Variants in NBPF11 observed in about 807,000 individuals in gnomAD.
The protein encoded by NBPF11 is NBPF member 11, also known as NBPF family member NBPF11.
NBPF11 carries 72 observed loss-of-function variants against 93.9 expected under a neutral mutation model. The observed-to-expected ratio is 0.77, with a 90% CI of 0.63 to 0.93. The LOEUF (loss-of-function observed/expected upper bound fraction) is 0.93. Ranked by LOEUF, NBPF11 falls within the 40% of genes least tolerant of loss-of-function variation. The pLI, the probability that NBPF11 is intolerant of heterozygous loss-of-function variation, is 0.00. For synonymous variants in NBPF11, 224 were observed against 304.9 expected, an observed-to-expected ratio of 0.73 and a Z score of 2.76; for missense variants, 705 against 802.2, an observed-to-expected ratio of 0.88 and a Z score of 1.46.
intron 10 of NBPF11, among the ~76,000 whole-genome samples, chr1:148,119,412 T>A (rs1487654382): frequency 1.3e-5 from 2 of 151,944 alleles, no homozygotes; most frequent in Non-Finnish European, 2.9e-5. Flanking sequence ...ACTGCAGCAA[T>A]TTACAGAGGT....
chr1:148,117,129 G>A (rs1666755841), intron 12 of NBPF11, among the ~76,000 whole-genome samples: 2 of 151,906 alleles, frequency 1.3e-5, no homozygotes. Flanking sequence ...ACATTTGAAT[G>A]CTTCAGACCT....
rs1297423533 is a variant in NBPF11 at position 148,139,057 on chromosome 1, T to C, written c.-276-1248A>G. ...AGTGAGCTGAGATGGCGCCGTTGCATTCGAGCCCAAGGAAAAGAGAAATAA... is the reference window on the plus strand; with the variant it reads ...AGTGAGCTGAGATGGCGCCGTTGCACTCGAGCCCAAGGAAAAGAGAAATAA... On this transcript the variant is annotated intron_variant, in intron 2 of 23. Transcript: ENST00000682118. 3.1e-4 allele frequency among the ~76,000 whole-genome samples: 47 copies of C among 151,474 alleles called. No homozygotes were observed. The East Asian group carries it at 5.6e-3, about 18-fold the overall frequency.
intron 5 of NBPF11, among the ~76,000 whole-genome samples, chr1:148,125,324 C>T (rs1475855640): frequency 4.6e-5 from 7 of 151,982 alleles, no homozygotes; most frequent in Non-Finnish European, 1.0e-4. Context: ...GCCTTGCAGC[C>T]TCTCCTCTAA....
intron 1 of NBPF11, among the ~76,000 whole-genome samples, chr1:148,150,511 G>GAAA (rs563519266): frequency 6.9e-6 from 1 of 145,356 alleles, no homozygotes; most frequent in African/African-American, 2.5e-5. Context: ...TTTTAGAATA[G>GAAA]AAAAAAAAAA....
At chr1:148,115,196 A>AAAAAAAAAAAAAAAAC in intron 14 of NBPF11, among the ~76,000 whole-genome samples, 1 of 143,232 alleles carries the variant, frequency 7.0e-6, no homozygotes, top group Non-Finnish European at 1.5e-5. Flanking sequence ...AAAAAAAAAA[A>AAAAAAAAAAAAAAAAC]AAAAAAATCT....
intron 10 of NBPF11, among the ~76,000 whole-genome samples, chr1:148,119,408 G>A (rs1667303525): frequency 6.6e-6 from 1 of 152,014 alleles, no homozygotes; most frequent in Admixed American, 6.5e-5. Flanking sequence ...ATTCACTGCA[G>A]CAATTTACAG....
In NBPF11 at chr1:148,122,860, A is replaced by C. The variant is rs1275727892; in HGVS notation, c.494-59T>G. ...CACTTCACATTCTGCAAGCACAGTC[A>C]GCCCAACGTGCACAGAGACATGAAT... On this transcript the variant is annotated intron_variant, in intron 7 of 23. Transcript: ENST00000682118. 19 of 1,607,494 alleles carry C rather than the reference A, an allele frequency of 1.2e-5. No homozygotes were observed. The Admixed American group carries it at 3.0e-4, about 25-fold the overall frequency.
intron 2 of NBPF11, among the ~76,000 whole-genome samples, chr1:148,141,566 C>A (rs1370777981): frequency 1.3e-5 from 2 of 151,980 alleles, no homozygotes; most frequent in Non-Finnish European, 2.9e-5. Flanking sequence ...TTGAAGTGCA[C>A]CAACCTGGAG....
intron 1 of NBPF11, among the ~76,000 whole-genome samples, chr1:148,150,051 G>A (rs1647895226): frequency 6.6e-6 from 1 of 151,484 alleles, no homozygotes; most frequent in African/African-American, 2.4e-5. Context: ...CATTCATATA[G>A]CTCTAAAACC....
At chr1:148,149,775 A>G (rs1327980619) in intron 1 of NBPF11, among the ~76,000 whole-genome samples, 5 of 148,740 alleles carry the variant, frequency 3.4e-5, no homozygotes, top group East Asian at 2.1e-4. Flanking sequence ...AACGGAAATT[A>G]AAGATTTAAA....
intron 4 of NBPF11, among the ~76,000 whole-genome samples, chr1:148,131,343 C>T (rs1670304998): frequency 6.6e-6 from 1 of 151,558 alleles, no homozygotes; most frequent in East Asian, 1.9e-4. Flanking sequence ...ACTCCCCAGG[C>T]CTCCACAGAC....
At position 148,102,216 on chromosome 1, in the gene NBPF11, A is replaced by T. The variant is rs1372695162; in HGVS notation, c.*1680T>A. The T allele has an allele frequency of 6.6e-6, 1 of 151,908 alleles. No individual in the cohort carries two copies. The highest frequency in any genetic ancestry group is 2.4e-5 in the African/African-American group (1 of 41,144). 9.4% of individuals were successfully genotyped at this position (151,908 alleles called of 1,614,324 possible). A position where few individuals can be genotyped will look rare whatever the true frequency, so the allele number is the denominator to read the frequency against. On this transcript the variant is annotated 3_prime_UTR_variant, in exon 24 of 24. Coordinates refer to ENST00000682118, the MANE Select transcript of NBPF11 (RefSeq NM_001385469.3). ...TTTGGACAAAAATTAAAACTCAGGCAAAGAATGTTTTCTTCTTTTTGCAAC... is the reference window on the plus strand; with the variant it reads ...TTTGGACAAAAATTAAAACTCAGGCTAAGAATGTTTTCTTCTTTTTGCAAC...
chr1:148,104,023 A>G, intron 23 of NBPF11, 111 bp from the exon 24 acceptor site: 2 of 1,602,906 alleles, frequency 1.2e-6, no homozygotes, highest in Non-Finnish European at 8.5e-7. Flanking sequence ...AAAAGGACAG[A>G]TCCATTAATG....
Position 148,116,142 on chromosome 1 carries a change from C to T in NBPF11, c.1380-144G>A, listed in dbSNP as rs1484439654. ...GACGTTCCCATTAAGAGGGAACATG[C>T]AATCCTGTTCTGTCTGCAACAGAGC... On this transcript the variant is annotated intron_variant, in intron 13 of 23. Transcript: ENST00000682118. The T allele has an allele frequency of 8.0e-5, 85 of 1,062,498 alleles. No homozygotes were observed. In the East Asian group the frequency reaches 2.1e-3, roughly 26 times the overall value. The allele number at this position is 1,062,498 out of a possible 1,614,324, so 65.8% of individuals were successfully genotyped here. A position where few individuals can be genotyped will look rare whatever the true frequency, so the allele number is the denominator to read the frequency against.
chr1:148,145,556 G>A (rs1359829511), intron 1 of NBPF11, among the ~76,000 whole-genome samples: 2 of 149,782 alleles, frequency 1.3e-5, no homozygotes, highest in African/African-American at 5.0e-5. Context: ...AACCATAAAG[G>A]AAAAGATTGA....
chr1:148,130,727 G>A (rs1166606162), intron 4 of NBPF11, among the ~76,000 whole-genome samples: 6 of 151,652 alleles, frequency 4.0e-5, no homozygotes, highest in South Asian at 4.1e-4. Context: ...ATGCACTAAC[G>A]GAACTACTGC....
At chr1:148,149,271 C>T in intron 1 of NBPF11, 6 of 1,596,462 alleles carry the variant, frequency 3.8e-6, no homozygotes, top group South Asian at 1.1e-5. Context: ...CTGCACTCGC[C>T]GCTCACCTCG....
chr1:148,148,572 C>T (rs1379659289), intron 1 of NBPF11, among the ~76,000 whole-genome samples: 11 of 152,104 alleles, frequency 7.2e-5, no homozygotes, highest in Non-Finnish European at 1.3e-4. Flanking sequence ...GTGCCACCTC[C>T]GCAGCCACCA....
In NBPF11 at chr1:148,108,592, C is replaced by A. The variant is rs1273374160; in HGVS notation, c.1916G>T (p.Cys639Phe). The A allele has an allele frequency of 1.9e-6, 3 of 1,565,110 alleles. No individual in the cohort carries two copies. The highest frequency in any genetic ancestry group is 4.5e-5 in the East Asian group (2 of 44,592). ...PEVLQDSLDR[C>F]YSTPSVYLGL... ...AAGATAAACTGAAGGAGTTGAATAA[C>A]ATCTATCCAGTGAGTCCTGCAAGAC... The change falls in exon 18 of 24, where the codon TGT (cysteine) becomes TTT (phenylalanine). Residue 639 changes from cysteine to phenylalanine, a missense_variant. By Grantham distance (205) the Cys-to-Phe change is radical. Coordinates refer to ENST00000682118, the MANE Select transcript of NBPF11 (RefSeq NM_001385469.3).
Sources: gnomAD v4.1 joint callset for allele counts (sites outside exome capture counted in the v4.1 genomes callset) on GRCh38, gnomAD v4.1.1 for gene constraint, MANE v1.5 for transcripts, NCBI Gene and HGNC (gene_info 2026-07-23, HGNC 2026-07-21) for gene names.